SASH1: variants seen among roughly 807,000 people sequenced by gnomAD.
The protein encoded by SASH1 is SAM and SH3 domain-containing protein 1.
In SASH1, 44 loss-of-function variants were observed where a neutral mutation model predicts 125.2. That is an observed-to-expected ratio of 0.35 (90% CI 0.28 to 0.45). The LOEUF (loss-of-function observed/expected upper bound fraction) is 0.45. SASH1 is among the 20% of genes least tolerant of loss of function. SASH1 has a pLI of 1.00. For missense variants in SASH1, 1,426 were observed against 1,614.5 expected (o/e 0.88, Z 2.00); for synonymous variants, 639 against 649.1 (o/e 0.98, Z 0.24).
intron 1 of SASH1, among the ~76,000 whole-genome samples, chr6:148,273,505 G>T (rs1278908984): frequency 6.6e-6 from 1 of 151,606 alleles, no homozygotes; most frequent in Non-Finnish European, 1.5e-5. Flanking sequence ...TGTTGACCAG[G>T]CTGGTCTTGA....
chr6:148,343,228 G>C lies in SASH1; in HGVS notation c.156+5G>C, dbSNP rs775709871. The stretch of plus-strand genomic sequence containing the variant: ...ACCGACGTGATGGGTATCCTGGTAA[G>C]TTACCTGGGGAGGGGGCGGCGCAGG... On this transcript the variant is annotated splice_donor_5th_base_variant and intron_variant, in intron 1 of 19. Coordinates refer to ENST00000367467, the MANE Select transcript of SASH1 (RefSeq NM_015278.5). The C allele has an allele frequency of 6.3e-7, 1 of 1,581,628 alleles. No individual in the cohort carries two copies. The highest frequency in any genetic ancestry group is 1.1e-5 in the South Asian group (1 of 89,228).
intron 2 of SASH1, among the ~76,000 whole-genome samples, chr6:148,425,679 T>TTCCCC (rs1180563230): frequency 6.8e-6 from 1 of 147,110 alleles, no homozygotes; most frequent in Non-Finnish European, 1.5e-5. Context: ...TTTTTTCTCT[T>TTCCCC]TCCCCTCCCC....
intron 2 of SASH1, among the ~76,000 whole-genome samples, chr6:148,416,371 A>G (rs35807201): frequency 0.055 from 8,398 of 151,426 alleles, 260 homozygotes; most frequent in East Asian, 0.079. Context: ...CTAGCTGTAC[A>G]CTCTTTTTGA....
intron 16 of SASH1, among the ~76,000 whole-genome samples, chr6:148,539,004 G>A (rs1782053975): frequency 6.6e-6 from 1 of 151,988 alleles, no homozygotes; most frequent in African/African-American, 2.4e-5. Flanking sequence ...CAACATGCCG[G>A]GTGATGCTGC....
rs201145545 is a variant in SASH1, at chr6:148,381,617, C to CTTTTTTTTTTTTTTTTTTT, written c.157-8509_157-8491dup. Among the ~76,000 whole-genome samples the CTTTTTTTTTTTTTTTTTTT allele has an allele frequency of 1.7e-4, 13 of 77,894 alleles. 3 individuals are homozygous for CTTTTTTTTTTTTTTTTTTT. Among genetic ancestry groups the CTTTTTTTTTTTTTTTTTTT allele is most frequent in the African/African-American group, 2.1e-4 (4 of 19,086 alleles). 51.1% of individuals were successfully genotyped at this position (77,894 alleles called of 152,430 possible). A position where few individuals can be genotyped will look rare whatever the true frequency, so the allele number is the denominator to read the frequency against. Reference sequence around the variant, plus strand: ...ACTCCATCAGTGCCTTTCTTGCTTTCTTTTTTTTTTTTTTTTTTTTTTTTT... The same window carrying CTTTTTTTTTTTTTTTTTTT: ...ACTCCATCAGTGCCTTTCTTGCTTTCTTTTTTTTTTTTTTTTTTTTTTTTTTTTTTTTTTTTTTTTTTTT... On this transcript the variant is annotated intron_variant, in intron 1 of 19. Transcript: ENST00000367467.
chr6:148,473,068 C>A (rs1178158117), intron 6 of SASH1, among the ~76,000 whole-genome samples: 1 of 152,124 alleles, frequency 6.6e-6, no homozygotes, highest in Non-Finnish European at 1.5e-5. Context: ...TCTTTGGAAT[C>A]TAATGGGACA....
rs1333432489 is a variant in SASH1 at position 148,309,748 on chromosome 6, A to G, written n.74+37371A>G. Among the ~76,000 whole-genome samples the G allele has an allele frequency of 2.0e-5, 3 of 152,014 alleles. No individual in the cohort carries two copies. In the East Asian group the frequency reaches 5.8e-4, roughly 29 times the overall value. ...TGAAGGTCAATTGTAAACATTTGAC[A>G]GGTGACCTTTGCCAGCATGTTGGGT... On this transcript the variant is annotated intron_variant and non_coding_transcript_variant, in intron 1 of 3. Coordinates refer to the SASH1 transcript ENST00000367469.
intron 1 of SASH1, among the ~76,000 whole-genome samples, chr6:148,326,349 T>TATGC (rs1554235312): frequency 1.2e-5 from 1 of 86,584 alleles, no homozygotes; most frequent in African/African-American, 4.5e-5. Flanking sequence ...TATATATATA[T>TATGC]ATATATATGC....
At chr6:148,482,771 C>A (rs1311855877) in intron 7 of SASH1, among the ~76,000 whole-genome samples, 1 of 149,460 alleles carries the variant, frequency 6.7e-6, no homozygotes, top group Non-Finnish European at 1.5e-5. Context: ...TCACTGCAAC[C>A]TCCACCTCCC....
At chr6:148,267,465 A>G (rs553800555), upstream of SASH1, among the ~76,000 whole-genome samples, 3 of 150,222 alleles carry the variant, frequency 2.0e-5, no homozygotes, top group Non-Finnish European at 3.0e-5. Flanking sequence ...TGCAAGCTCC[A>G]CCTCCTGAGT....
At chr6:148,216,934 C>A in the SASH1 span, among the ~76,000 whole-genome samples, 1 of 151,984 alleles carries the variant, frequency 6.6e-6, no homozygotes, top group African/African-American at 2.4e-5. Flanking sequence ...ACCATGTTGG[C>A]CAGGCTGGTC....
chr6:148,307,044 C>CTT (rs778849341), intron 1 of SASH1, among the ~76,000 whole-genome samples: 1 of 108,034 alleles, frequency 9.3e-6, no homozygotes, highest in African/African-American at 4.3e-5. Context: ...TTCTTTCTTT[C>CTT]TTTCTTTCTT....
chr6:148,336,986 C>T (rs1252864215), intron 1 of SASH1, among the ~76,000 whole-genome samples: 3 of 152,210 alleles, frequency 2.0e-5, no homozygotes, highest in Non-Finnish European at 4.4e-5. Context: ...TGTACCTATA[C>T]TCTAAATACC....
intron 16 of SASH1, among the ~76,000 whole-genome samples, chr6:148,536,465 G>A (rs546723876): frequency 2.0e-5 from 3 of 152,214 alleles, no homozygotes; most frequent in Non-Finnish European, 2.9e-5. Flanking sequence ...TCAGCCTCCC[G>A]AGTAGCTGGG....
intron 1 of SASH1, among the ~76,000 whole-genome samples, chr6:148,298,818 G>GGGAGGGAAGAAAGGAA (rs1779851092): frequency 6.9e-6 from 1 of 143,934 alleles, no homozygotes; most frequent in Non-Finnish European, 1.5e-5. Context: ...AAAAAAGAGA[G>GGGAGGGAAGAAAGGAA]GGAGGGAAGA....
intron 1 of SASH1, among the ~76,000 whole-genome samples, chr6:148,295,791 A>G (rs1236442149): frequency 3.3e-5 from 5 of 152,164 alleles, no homozygotes; most frequent in African/African-American, 1.2e-4. Context: ...ACCCCAGCAC[A>G]AAGAAGGGCT....
At chr6:148,210,453 G>C in the SASH1 span, among the ~76,000 whole-genome samples, 3 of 152,082 alleles carry the variant, frequency 2.0e-5, no homozygotes, top group Admixed American at 6.5e-5. Flanking sequence ...GAATTGCTTG[G>C]ACCCAGGAGG....
intron 8 of SASH1, among the ~76,000 whole-genome samples, chr6:148,507,007 C>G (rs749350718): frequency 5.3e-5 from 8 of 152,096 alleles, no homozygotes; most frequent in African/African-American, 1.9e-4. Flanking sequence ...AGTACAACAT[C>G]GCAAAAGCAC....
At chr6:148,477,400 A>T (rs1367046719) in intron 7 of SASH1, among the ~76,000 whole-genome samples, 1 of 152,272 alleles carries the variant, frequency 6.6e-6, no homozygotes, top group African/African-American at 2.4e-5. Flanking sequence ...TAAAAAATAG[A>T]GAAAGTATCT....
Sources: gnomAD v4.1 joint callset for allele counts (sites outside exome capture counted in the v4.1 genomes callset) on GRCh38, gnomAD v4.1.1 for gene constraint, MANE v1.5 for transcripts, NCBI Gene and HGNC (gene_info 2026-07-23, HGNC 2026-07-21) for gene names.